PLEKHG4B: variants seen among roughly 807,000 people sequenced by gnomAD.
The protein encoded by PLEKHG4B is pleckstrin homology domain-containing family G member 4B.
PLEKHG4B carries 111 observed loss-of-function variants against 121.3 expected under a neutral mutation model. The observed-to-expected ratio is 0.92, with a 90% CI of 0.78 to 1.07. PLEKHG4B has a LOEUF of 1.07. PLEKHG4B is among the 50% of genes least tolerant of loss of function. PLEKHG4B has a pLI of 0.00. For synonymous variants in PLEKHG4B, 738 were observed against 725.0 expected (o/e 1.02, Z -0.29); for missense variants, 1,831 against 1,757.8 (o/e 1.04, Z -0.74).
In PLEKHG4B at chr5:182,343, GC is replaced by G; in HGVS notation, c.*23del. 1.3e-6 allele frequency: 2 copies of G among 1,569,420 alleles called. No individual in the cohort carries two copies. Among genetic ancestry groups the G allele is most frequent in the Non-Finnish European group, 1.7e-6 (2 of 1,160,112 alleles). Reference sequence around the variant, plus strand: ...GCCTGATGACTGTCAGGGTGGCAGTGCCCATCATGTGGCTAGAACAATACAG... The same window carrying G: ...GCCTGATGACTGTCAGGGTGGCAGTGCCATCATGTGGCTAGAACAATACAG... On this transcript the variant is annotated 3_prime_UTR_variant, in exon 20 of 20. Coordinates refer to ENST00000637938, the MANE Select transcript of PLEKHG4B (RefSeq NM_052909.5).
Position 157,035 on chromosome 5 carries a change from T to C in PLEKHG4B, c.2487+124T>C, listed in dbSNP as rs1222004460. On this transcript the variant is annotated intron_variant, in intron 11 of 19. Transcript: ENST00000637938. This position sits in a 1 kb window ranked among gnomAD's most constrained non-coding sequence, Gnocchi z 4.6. ...GATCTGATTTCCATTTGGAATGAAA[T>C]TATGTCAGGATAGGGCATGCCTTGC... 1 of 1,343,914 alleles carries C rather than the reference T, an allele frequency of 7.4e-7. No individual in the cohort carries two copies. Among genetic ancestry groups the C allele is most frequent in the Non-Finnish European group, 1.0e-6 (1 of 959,276 alleles). The allele number at this position is 1,343,914 out of a possible 1,614,324, so 83.2% of individuals were successfully genotyped here.
intron 13 of PLEKHG4B, among the ~76,000 whole-genome samples, chr5:168,290 G>C (rs1216638627): frequency 6.6e-6 from 1 of 152,210 alleles, no homozygotes; most frequent in Admixed American, 6.5e-5. Flanking sequence ...GGGGCTGAGG[G>C]TTCCGTGGAG....
rs1405257762 is a variant in PLEKHG4B, at chr5:137,773, T to C, written c.244-1710T>C. Among the ~76,000 whole-genome samples the C allele has an allele frequency of 6.6e-6, 1 of 152,188 alleles. No homozygotes were observed. The highest frequency in any genetic ancestry group is 6.5e-5 in the Admixed American group (1 of 15,286). On this transcript the variant is annotated intron_variant, in intron 2 of 19. Transcript: ENST00000637938. The surrounding 1 kb of genome is among the most constrained non-coding windows in gnomAD (Gnocchi z 4.2). The stretch of plus-strand genomic sequence containing the variant: ...CAGGAACATGCCCTGGGCACCAATA[T>C]GGCTGTGCTGGGCAATAGGATCGGG...
chr5:143,293 T>G, intron 4 of PLEKHG4B, 37 bp downstream of exon 4: 1 of 1,608,542 alleles, frequency 6.2e-7, no homozygotes, highest in Non-Finnish European at 8.5e-7. Flanking sequence ...TCAGGGCGGA[T>G]CTGACATCTA....
chr5:144,751 C>T, intron 5 of PLEKHG4B, 76 bp from the exon 6 acceptor site: 1 of 1,299,870 alleles, frequency 7.7e-7, no homozygotes. Context: ...AACAACTAGC[C>T]TCAGAGGTGG....
intron 1 of PLEKHG4B, among the ~76,000 whole-genome samples, chr5:93,271 A>G: frequency 6.6e-6 from 1 of 152,144 alleles, no homozygotes. Flanking sequence ...GAAGAGATTT[A>G]ATGTAAATCT....
intron 11 of PLEKHG4B, among the ~76,000 whole-genome samples, chr5:160,327 C>A (rs1426140189): frequency 6.6e-6 from 1 of 152,230 alleles, no homozygotes. Flanking sequence ...TCCTTCACAG[C>A]CTGTGGGTGT....
At chr5:135,676 AAAAAAAATATATATAT>A (rs1734944936) in intron 2 of PLEKHG4B, among the ~76,000 whole-genome samples, 4 of 64,108 alleles carry the variant, frequency 6.2e-5, no homozygotes, top group Non-Finnish European at 1.2e-4. Context: ...AAAAAAAAAA[AAAAAAAATATATATAT>A]ATATATATAT....
chr5:96,866 A>T (rs530548610), intron 1 of PLEKHG4B, among the ~76,000 whole-genome samples: 18 of 152,360 alleles, frequency 1.2e-4, no homozygotes, highest in Non-Finnish European at 2.5e-4. Context: ...CAAATGAGAA[A>T]AAAAAATTAG....
chr5:160,978 G>A (rs1288197715), intron 11 of PLEKHG4B, among the ~76,000 whole-genome samples: 1 of 152,170 alleles, frequency 6.6e-6, no homozygotes, highest in African/African-American at 2.4e-5. Context: ...TCTGCTGCAT[G>A]TCTGGGGTCA....
At chr5:115,354 T>C (rs147655697) in intron 2 of PLEKHG4B, among the ~76,000 whole-genome samples, 53 of 152,338 alleles carry the variant, frequency 3.5e-4, no homozygotes, top group Non-Finnish European at 7.1e-4. Flanking sequence ...TTTGTTGTTC[T>C]ATTTATAGAG....
chr5:155,253 G>A lies in PLEKHG4B; in HGVS notation c.2110-92G>A, dbSNP rs188635108. 3.8e-5 allele frequency: 45 copies of A among 1,173,932 alleles called. No individual in the cohort carries two copies. The East Asian group carries it at 5.6e-4, about 15-fold the overall frequency. The allele number at this position is 1,173,932 out of a possible 1,614,324, so 72.7% of individuals were successfully genotyped here. A position where few individuals can be genotyped will look rare whatever the true frequency, so the allele number is the denominator to read the frequency against. ...TATGGAAGCTTCCCAACCCGAGATC[G>A]GTCTAAATGCAGAAACTGGAACTCA... On this transcript the variant is annotated intron_variant, in intron 8 of 19. Transcript: ENST00000637938.
rs537791504 is a variant in PLEKHG4B at position 182,533 on chromosome 5, A to G, written c.*210A>G. The stretch of plus-strand genomic sequence containing the variant: ...TTTATAATTTTGTCTTATTTAAAAA[A>G]CAAACCTTCCACTTCCACCCAAGAC... On this transcript the variant is annotated 3_prime_UTR_variant, in exon 20 of 20. Transcript: ENST00000637938. The G allele has an allele frequency of 4.3e-5, 25 of 585,638 alleles. No individual in the cohort carries two copies. Among genetic ancestry groups the G allele is most frequent in the Admixed American group, 3.9e-4 (13 of 32,920 alleles). 36.3% of individuals were successfully genotyped at this position (585,638 alleles called of 1,614,324 possible).
chr5:145,534 G>A (rs958779664), intron 6 of PLEKHG4B, among the ~76,000 whole-genome samples: 5 of 152,194 alleles, frequency 3.3e-5, no homozygotes, highest in African/African-American at 1.2e-4. Flanking sequence ...CTAATTTTTT[G>A]TATGTTTACT....
At chr5:111,624 A>T (rs994787088) in intron 1 of PLEKHG4B, among the ~76,000 whole-genome samples, 1 of 152,012 alleles carries the variant, frequency 6.6e-6, no homozygotes, top group African/African-American at 2.4e-5. Context: ...CAGTGTCGGC[A>T]TTTCAGCTCC....
chr5:128,677 A>G (rs1178107873), intron 2 of PLEKHG4B, among the ~76,000 whole-genome samples: 1 of 152,220 alleles, frequency 6.6e-6, no homozygotes, highest in African/African-American at 2.4e-5. Flanking sequence ...AGAGTTCCAA[A>G]ATAGTTATGG....
rs1736112542 is a variant in PLEKHG4B at position 163,353 on chromosome 5, GC to G, written c.3285del (p.Arg1096GlyfsTer18). ...TTCGAGATACCTCAGCCCGACAGTG[GC>G]CCCAGGGACTCCTGCCAGCCAGACC... Reference protein sequence around the residue: ...QSFEIPQPDSGPRDSCQPDHT... With the variant: ...QSFEIPQPDSXPRDSCQPDHT... On this transcript the variant is annotated frameshift_variant, in exon 13 of 20. Coordinates refer to ENST00000637938, the MANE Select transcript of PLEKHG4B (RefSeq NM_052909.5). LOFTEE classifies it high-confidence loss of function. 1.2e-6 allele frequency: 2 copies of G among 1,613,300 alleles called. No homozygotes were observed. Among genetic ancestry groups the G allele is most frequent in the South Asian group, 1.1e-5 (1 of 91,084 alleles).
intron 16 of PLEKHG4B, among the ~76,000 whole-genome samples, chr5:172,007 G>A (rs958125149): frequency 3.3e-5 from 5 of 152,358 alleles, no homozygotes; most frequent in African/African-American, 9.6e-5. Flanking sequence ...AAAGGCCACG[G>A]GTGAGCTGAG....
intron 7 of PLEKHG4B, among the ~76,000 whole-genome samples, chr5:153,424 C>T (rs1294440848): frequency 2.0e-5 from 3 of 152,162 alleles, no homozygotes; most frequent in Non-Finnish European, 4.4e-5. Flanking sequence ...GTGCACGTAA[C>T]GTGGTTAGAC....
Sources: allele counts gnomAD v4.1 joint callset (sites outside exome capture counted in the v4.1 genomes callset), GRCh38; gene constraint gnomAD v4.1.1; non-coding constraint Gnocchi (gnomAD v3.1); transcripts MANE v1.5; gene names NCBI Gene and HGNC (gene_info 2026-07-23, HGNC 2026-07-21).